Variants in UTRN observed in about 807,000 individuals in gnomAD.
UTRN encodes dystrophin-related protein 1.
A neutral mutation model predicts 463.9 loss-of-function variants in UTRN; 283 were observed. The observed-to-expected ratio is 0.61, with a 90% CI of 0.55 to 0.67. UTRN has a LOEUF of 0.67. UTRN is among the 30% of genes least tolerant of loss of function. The pLI is 0.00. For synonymous variants in UTRN, 1,442 were observed against 1,431.5 expected (o/e 1.01, Z -0.17); for missense variants, 3,922 against 4,084.3 (o/e 0.96, Z 1.08).
At chr6:144,748,560 T>C (rs1791011702) in intron 55 of UTRN, 46 bp downstream of exon 55, 2 of 1,584,190 alleles carry the variant, frequency 1.3e-6, no homozygotes, top group Non-Finnish European at 8.6e-7. Flanking sequence ...TGTTTTCTTG[T>C]TAAATATAAC....
At chr6:144,789,099 T>C in intron 61 of UTRN, 95 bp from the exon 62 acceptor site, 1 of 965,336 alleles carries the variant, frequency 1.0e-6, no homozygotes, top group Non-Finnish European at 1.6e-6. Flanking sequence ...TTATTTTTGA[T>C]GGTTTACCCC....
chr6:144,837,972 C>T (rs1399031343), intron 71 of UTRN, among the ~76,000 whole-genome samples: 1 of 152,212 alleles, frequency 6.6e-6, no homozygotes, highest in Non-Finnish European at 1.5e-5. Flanking sequence ...CAGCCACATA[C>T]ATTGAAAACG....
chr6:144,390,668 C>T (rs1781826563), intron 2 of UTRN, among the ~76,000 whole-genome samples: 2 of 152,220 alleles, frequency 1.3e-5, no homozygotes, highest in African/African-American at 4.8e-5. Context: ...AAATGCCTTT[C>T]TAACCATTTT....
chr6:144,633,865 C>T (rs541946336), intron 51 of UTRN, among the ~76,000 whole-genome samples: 2 of 152,274 alleles, frequency 1.3e-5, no homozygotes, highest in South Asian at 2.1e-4. Context: ...TGCAATTTGT[C>T]AGAAAATATT....
At chr6:144,412,598 C>G (rs1284957882) in intron 3 of UTRN, among the ~76,000 whole-genome samples, 2 of 151,588 alleles carry the variant, frequency 1.3e-5, no homozygotes, top group African/African-American at 2.4e-5. Flanking sequence ...GAGAGAGAGA[C>G]CATAAAATTT....
chr6:144,516,514 T>A, intron 38 of UTRN, 127 bp downstream of exon 38: 1 of 1,123,364 alleles, frequency 8.9e-7, no homozygotes, highest in Non-Finnish European at 1.2e-6. Context: ...ATGTGATTTT[T>A]TGATGTGTGT....
At chr6:144,688,311 C>A (rs1324343143) in intron 52 of UTRN, among the ~76,000 whole-genome samples, 1 of 151,796 alleles carries the variant, frequency 6.6e-6, no homozygotes, top group Admixed American at 6.6e-5. Flanking sequence ...TTTCACTTTT[C>A]TCTTGTATCT....
chr6:144,535,478 G>C (rs1197338777), intron 43 of UTRN, among the ~76,000 whole-genome samples: 1 of 152,160 alleles, frequency 6.6e-6, no homozygotes, highest in African/African-American at 2.4e-5. Context: ...GTGGAGTGTG[G>C]TAATTACAGC....
chr6:144,604,409 A>T (rs1357363400), intron 51 of UTRN, among the ~76,000 whole-genome samples: 2 of 152,274 alleles, frequency 1.3e-5, no homozygotes, highest in Non-Finnish European at 2.9e-5. Context: ...TACTTCATAA[A>T]ATTCTAGGCC....
chr6:144,672,648 G>C (rs950182088), intron 51 of UTRN, among the ~76,000 whole-genome samples: 1 of 151,576 alleles, frequency 6.6e-6, no homozygotes, highest in African/African-American at 2.4e-5. Flanking sequence ...TGTGTTTTTT[G>C]TTTGTTTGTT....
Position 144,846,838 on chromosome 6 carries a change from A to G in UTRN, c.10293+11A>G, listed in dbSNP as rs1782056990. 6.2e-7 allele frequency: 1 copy of G among 1,614,048 alleles called. No individual in the cohort carries two copies. The highest frequency in any genetic ancestry group is 8.5e-7 in the Non-Finnish European group (1 of 1,179,922). On this transcript the variant is annotated intron_variant, in intron 74 of 74. Coordinates refer to ENST00000367545, the MANE Select transcript of UTRN (RefSeq NM_007124.3). ...CCCAGCAGGCCACAGGTAAGAGTTAATGGCTTGGTTGGCTCTATGTTACTG... is the reference window on the plus strand; with the variant it reads ...CCCAGCAGGCCACAGGTAAGAGTTAGTGGCTTGGTTGGCTCTATGTTACTG...
Position 144,327,391 on chromosome 6 carries a change from C to A in UTRN, c.79+35484C>A, listed in dbSNP as rs7747420. On this transcript the variant is annotated intron_variant, in intron 2 of 74. Coordinates refer to ENST00000367545, the MANE Select transcript of UTRN (RefSeq NM_007124.3). ...TATTCTTCCAGAGAAGCCCACATAA[C>A]GCAACCAGGGCCTGCTGGCTGCCCT... 1.9e-3 allele frequency among the ~76,000 whole-genome samples: 283 copies of A among 152,256 alleles called. 5 individuals carry two copies. The highest frequency in any genetic ancestry group is 6.7e-3 in the African/African-American group (277 of 41,516).
chr6:144,517,650 G>A (rs1223115046), intron 39 of UTRN, among the ~76,000 whole-genome samples: 2 of 152,080 alleles, frequency 1.3e-5, no homozygotes, highest in Non-Finnish European at 2.9e-5. Flanking sequence ...TATTTTTACT[G>A]TACCTTTTCT....
intron 51 of UTRN, among the ~76,000 whole-genome samples, chr6:144,611,023 A>C (rs1404189393): frequency 2.6e-5 from 4 of 152,210 alleles, no homozygotes; most frequent in Non-Finnish European, 5.9e-5. Flanking sequence ...GATCATTGGG[A>C]TTTATCCCCA....
intron 53 of UTRN, among the ~76,000 whole-genome samples, chr6:144,715,258 G>A (rs540532097): frequency 6.6e-6 from 1 of 152,202 alleles, no homozygotes; most frequent in South Asian, 2.1e-4. Flanking sequence ...ATCACCTTTA[G>A]TCCTGCCTTT....
intron 51 of UTRN, among the ~76,000 whole-genome samples, chr6:144,603,752 G>A (rs1804521911): frequency 1.3e-5 from 2 of 152,076 alleles, no homozygotes; most frequent in South Asian, 4.2e-4. Context: ...AAAATACCTA[G>A]TCATTGATAT....
At chr6:144,568,629 C>T (rs1372883033) in intron 50 of UTRN, among the ~76,000 whole-genome samples, 1 of 152,150 alleles carries the variant, frequency 6.6e-6, no homozygotes, top group Admixed American at 6.6e-5. Flanking sequence ...GCACACTACT[C>T]ATCTATTCCC....
In UTRN at chr6:144,554,825, G is replaced by A. The variant is rs1460389145; in HGVS notation, c.7066G>A (p.Glu2356Lys). ...GACTGAAGAACTGATGAGAAAATAT[G>A]AGGCTCGACTCTATATTCTTCAGCA... ...EETEELMRKYEARLYILQQAR... is the reference protein window; with the variant it reads ...EETEELMRKYKARLYILQQAR... Residue 2356 changes from glutamate (E) to lysine (K), a missense_variant, in exon 49 of 75, where the codon GAG (glutamate) becomes AAG (lysine). Physicochemically the swap from Glu to Lys is moderately conservative, Grantham distance 56 (BLOSUM62 1). This residue lies in a region of UTRN where 1,309 missense variants were observed against 1,452.6 expected (regional missense o/e 0.90). Transcript: ENST00000367545. 6.2e-7 allele frequency: 1 copy of A among 1,614,026 alleles called. No homozygotes were observed. Among genetic ancestry groups the A allele is most frequent in the Admixed American group, 1.7e-5 (1 of 60,016 alleles).
intron 51 of UTRN, among the ~76,000 whole-genome samples, chr6:144,610,102 C>T (rs553630748): frequency 2.9e-5 from 4 of 138,044 alleles, no homozygotes; most frequent in South Asian, 4.6e-4. Flanking sequence ...AAATGGAATA[C>T]AGACTAGAAA....
Sources: allele counts gnomAD v4.1 joint callset (sites outside exome capture counted in the v4.1 genomes callset), GRCh38; gene constraint gnomAD v4.1.1; regional missense constraint gnomAD v4.1.1; transcripts MANE v1.5; gene names NCBI Gene and HGNC (gene_info 2026-07-23, HGNC 2026-07-21).